ETFB: variants seen among roughly 807,000 people sequenced by gnomAD.
ETFB encodes the protein electron transfer flavoprotein subunit beta, also known as beta-ETF.
A neutral mutation model predicts 25.6 loss-of-function variants in ETFB; 20 were observed. The observed-to-expected ratio is 0.78, with a 90% confidence interval of 0.55 to 1.14. The LOEUF is 1.14. Ranked by LOEUF, ETFB falls within the 50% of genes most tolerant of loss-of-function variation. The pLI is 0.00. For missense variants in ETFB, 286 were observed against 342.6 expected, an observed-to-expected ratio of 0.83 and a Z score of 1.30; for synonymous variants, 142 against 146.7, an observed-to-expected ratio of 0.97 and a Z score of 0.23.
intron 1 of ETFB, among the ~76,000 whole-genome samples, chr19:51,358,927 A>T (rs908249209): frequency 4.6e-5 from 7 of 151,270 alleles, no homozygotes; most frequent in African/African-American, 1.5e-4. Context: ...TGAGCCCAGG[A>T]GGTCAAGGGT....
intron 1 of ETFB, among the ~76,000 whole-genome samples, chr19:51,361,995 C>T (rs532673154): frequency 6.6e-6 from 1 of 152,028 alleles, no homozygotes; most frequent in South Asian, 2.1e-4. Context: ...AGCCACCAGG[C>T]CCAGCCTTTC....
intron 3 of ETFB, among the ~76,000 whole-genome samples, chr19:51,352,075 G>C (rs1049422142): frequency 3.3e-5 from 5 of 151,904 alleles, no homozygotes; most frequent in Admixed American, 6.6e-5. Flanking sequence ...GGTCTCCTGG[G>C]GGAACAGATG....
rs550727056 is a variant in ETFB at position 51,356,798 on chromosome 19, A to G, written c.58-2490T>C. 6 of 152,346 alleles carry G rather than the reference A, an allele frequency of 3.9e-5. No homozygotes were observed. The East Asian group carries it at 1.2e-3, about 29-fold the overall frequency. The allele number at this position is 152,346 out of a possible 1,614,324, so 9.4% of individuals were successfully genotyped here. ...AGTCAGTGTCACCAGGGTGAGACCAAGGGGTCTGCAGGCCCCGGGAGGAAC... is the reference window on the plus strand; with the variant it reads ...AGTCAGTGTCACCAGGGTGAGACCAGGGGGTCTGCAGGCCCCGGGAGGAAC... On this transcript the variant is annotated intron_variant, in intron 1 of 5. Transcript: ENST00000309244.
Position 51,366,378 on chromosome 19 carries a change from C to G in ETFB, c.-52G>C, listed in dbSNP as rs1277698499. Reference sequence around the variant, plus strand: ...CAGCCCGCACCCTCAGCGGCTCAGTCCAGAAGCCCCACCACCCCCGCCCCC... The same window carrying G: ...CAGCCCGCACCCTCAGCGGCTCAGTGCAGAAGCCCCACCACCCCCGCCCCC... On this transcript the variant is annotated 5_prime_UTR_variant, in exon 1 of 6. Transcript: ENST00000309244. 6.4e-7 allele frequency: 1 copy of G among 1,559,284 alleles called. No homozygotes were observed. Among genetic ancestry groups the G allele is most frequent in the East Asian group, 2.3e-5 (1 of 43,410 alleles).
chr19:51,350,563 C>A (rs1002611202), intron 3 of ETFB, among the ~76,000 whole-genome samples, 172 bp from the exon 4 acceptor site: 1 of 152,126 alleles, frequency 6.6e-6, no homozygotes, highest in African/African-American at 2.4e-5. Context: ...TGGCTCACTG[C>A]AACCTCCGCC....
At chr19:51,359,844 A>G (rs1986176229) in intron 1 of ETFB, among the ~76,000 whole-genome samples, 1 of 151,668 alleles carries the variant, frequency 6.6e-6, no homozygotes, top group Non-Finnish European at 1.5e-5. Flanking sequence ...ACATAGAGAG[A>G]CTTCATCTCT....
chr19:51,352,691 G>C (rs116933175), intron 3 of ETFB, among the ~76,000 whole-genome samples: 1,789 of 152,114 alleles, frequency 0.012, 26 homozygotes, highest in Middle Eastern at 0.017. Flanking sequence ...GCAGTGGTGC[G>C]ATCTTGTATC....
At chr19:51,352,872 C>T (rs544668438) in intron 3 of ETFB, among the ~76,000 whole-genome samples, 2 of 152,242 alleles carry the variant, frequency 1.3e-5, no homozygotes, top group East Asian at 1.9e-4. Flanking sequence ...AAGTGATCCA[C>T]TGGCCTCGGC....
At chr19:51,353,932 A>G (rs1010076941) in intron 2 of ETFB, among the ~76,000 whole-genome samples, 26 of 39,254 alleles carry the variant, frequency 6.6e-4, no homozygotes, top group East Asian at 1.0e-3. Context: ...CTCAGACCCA[A>G]GAGTCCAGGC....
chr19:51,365,763 T>A (rs1241113539), intron 1 of ETFB, among the ~76,000 whole-genome samples: 1 of 152,194 alleles, frequency 6.6e-6, no homozygotes, highest in Non-Finnish European at 1.5e-5. Context: ...GCCTCCTGGC[T>A]CACCCTGTGG....
At chr19:51,363,445 AAATTAT>A (rs1391253760) in intron 1 of ETFB, among the ~76,000 whole-genome samples, 5 of 151,800 alleles carry the variant, frequency 3.3e-5, no homozygotes, top group Non-Finnish European at 5.9e-5. Context: ...GAGAATCACT[AAATTAT>A]TATTATTATT....
intron 1 of ETFB, among the ~76,000 whole-genome samples, chr19:51,358,207 T>C (rs1207238969): frequency 6.6e-6 from 1 of 152,178 alleles, no homozygotes; most frequent in Non-Finnish European, 1.5e-5. Context: ...CAGCTGAGCC[T>C]GGTGAGGACA....
At chr19:51,350,260 T>G (rs1764513531) in intron 4 of ETFB, 69 bp downstream of exon 4, 3 of 1,550,956 alleles carry the variant, frequency 1.9e-6, no homozygotes, top group Middle Eastern at 1.9e-4. Context: ...TGCAAAGGCC[T>G]TGAGGCAGAA....
At chr19:51,346,803 G>A (rs1985795060) in intron 5 of ETFB, 97 bp downstream of exon 5, 3 of 1,263,234 alleles carry the variant, frequency 2.4e-6, no homozygotes, top group Non-Finnish European at 3.3e-6. Flanking sequence ...GACCTCCTTT[G>A]GATCCTTCCC....
chr19:51,352,200 C>T (rs1985947735), intron 3 of ETFB, among the ~76,000 whole-genome samples: 1 of 152,116 alleles, frequency 6.6e-6, no homozygotes, highest in South Asian at 2.1e-4. Flanking sequence ...ATTTCCCATT[C>T]CAGTCCATTC....
At chr19:51,361,513 C>T (rs183726880) in intron 1 of ETFB, among the ~76,000 whole-genome samples, 13 of 152,212 alleles carry the variant, frequency 8.5e-5, no homozygotes, top group Non-Finnish European at 1.8e-4. Context: ...GGGGCAAGTG[C>T]GTGGAGCCCA....
At chr19:51,350,114 G>A in intron 4 of ETFB, 1 of 537,460 alleles carries the variant, frequency 1.9e-6, no homozygotes, top group South Asian at 2.0e-5. Flanking sequence ...GAGCGGGTGG[G>A]CATGAGTATT....
chr19:51,360,338 G>A (rs958281675), intron 1 of ETFB, among the ~76,000 whole-genome samples: 1 of 150,672 alleles, frequency 6.6e-6, no homozygotes, highest in Non-Finnish European at 1.5e-5. Context: ...GGAGGTGGAG[G>A]TTGCAGTGAG....
At chr19:51,345,555 C>T (rs1348453455) in intron 5 of ETFB, 174 bp from the exon 6 acceptor site, 1 of 680,722 alleles carries the variant, frequency 1.5e-6, no homozygotes, top group Non-Finnish European at 2.6e-6. Context: ...GTGTGGACAA[C>T]TCCTGCTGGC....
Sources: gnomAD v4.1 joint callset for allele counts (sites outside exome capture counted in the v4.1 genomes callset) on GRCh38, gnomAD v4.1.1 for gene constraint, MANE v1.5 for transcripts, NCBI Gene and HGNC (gene_info 2026-07-23, HGNC 2026-07-21) for gene names.